PCDHA10: variants seen among roughly 807,000 people sequenced by gnomAD.
PCDHA10 encodes protocadherin alpha 10, also known as protocadherin alpha-10.
A neutral mutation model predicts 61.2 loss-of-function variants in PCDHA10; 45 were observed. That is an observed-to-expected ratio of 0.74 (90% CI 0.58 to 0.94). The LOEUF (loss-of-function observed/expected upper bound fraction) is 0.94, where lower values mean the gene tolerates loss of function less well. Ranked by LOEUF, PCDHA10 falls within the 40% of genes least tolerant of loss-of-function variation. The pLI, the probability that PCDHA10 is intolerant of heterozygous loss-of-function variation, is 0.00. For missense variants in PCDHA10, 1,278 were observed against 1,236.2 expected, an observed-to-expected ratio of 1.03 and a Z score of -0.51; for synonymous variants, 602 against 548.8, an observed-to-expected ratio of 1.10 and a Z score of -1.35.
At chr5:140,875,560 C>T (rs1554167756) in intron 1 of PCDHA10, 2 of 1,614,124 alleles carry the variant, frequency 1.2e-6, no homozygotes, top group Admixed American at 3.3e-5. Flanking sequence ...GGGGAGCGGC[C>T]AGCTCCACTA....
chr5:140,956,774 C>A (rs1232431991), intron 1 of PCDHA10, among the ~76,000 whole-genome samples: 2 of 152,070 alleles, frequency 1.3e-5, no homozygotes, highest in Non-Finnish European at 2.9e-5. Flanking sequence ...TCTGTCTGGT[C>A]CTGGGCTTTG....
chr5:140,875,210 AAAAGAACCTC>A (rs2055354064), intron 1 of PCDHA10: 1 of 696,510 alleles, frequency 1.4e-6, no homozygotes, highest in Non-Finnish European at 2.1e-6. Context: ...GGCTAAACCG[AAAAGAACCTC>A]AGGATCTTTC....
In PCDHA10 at chr5:141,000,416, TATATA is replaced by T. The variant is rs1214257718; in HGVS notation, c.2537-9210_2537-9206del. On this transcript the variant is annotated intron_variant, in intron 3 of 3. Coordinates refer to ENST00000307360, the MANE Select transcript of PCDHA10 (RefSeq NM_018901.4). ...CTCTCTATATATATATATATATATA[TATATA>T]TTTTTTTTTTTTTTTTTTTTTTTGA... 2.1e-3 allele frequency among the ~76,000 whole-genome samples: 195 copies of T among 93,382 alleles called. 1 individual carries two copies. Among genetic ancestry groups the T allele is most frequent in the African/African-American group, 4.2e-3 (94 of 22,362 alleles). 61.3% of individuals were successfully genotyped at this position (93,382 alleles called of 152,430 possible). A position where few individuals can be genotyped will look rare whatever the true frequency, so the allele number is the denominator to read the frequency against.
intron 1 of PCDHA10, among the ~76,000 whole-genome samples, chr5:140,962,298 A>T (rs2095671297): frequency 6.6e-6 from 1 of 152,204 alleles, no homozygotes; most frequent in South Asian, 2.1e-4. Context: ...ATATTCTATG[A>T]TTCTTGTTAG....
intron 1 of PCDHA10, among the ~76,000 whole-genome samples, chr5:140,949,115 T>G (rs2094346093): frequency 6.6e-6 from 1 of 151,756 alleles, no homozygotes; most frequent in African/African-American, 2.4e-5. Context: ...TACAAATATT[T>G]TTGGTTTTCC....
At chr5:140,932,113 T>G (rs2088043197) in intron 1 of PCDHA10, among the ~76,000 whole-genome samples, 1 of 151,918 alleles carries the variant, frequency 6.6e-6, no homozygotes, top group South Asian at 2.1e-4. Flanking sequence ...TATTTCCAAT[T>G]GATAATATTT....
intron 1 of PCDHA10, chr5:140,875,272 A>G: frequency 1.6e-6 from 2 of 1,265,056 alleles, no homozygotes; most frequent in Non-Finnish European, 2.1e-6. Context: ...CTCTACACTC[A>G]GAAGGTGAAA....
At chr5:140,902,854 C>T (rs186872091) in intron 1 of PCDHA10, among the ~76,000 whole-genome samples, 154 of 152,240 alleles carry the variant, frequency 1.0e-3, no homozygotes, top group Middle Eastern at 3.4e-3. Flanking sequence ...AGAAAAATGG[C>T]GTCCAGGTCC....
intron 1 of PCDHA10, among the ~76,000 whole-genome samples, chr5:140,895,900 G>A (rs540029399): frequency 1.3e-3 from 196 of 152,038 alleles, no homozygotes; most frequent in African/African-American, 4.6e-3. Context: ...CAACCTCCGC[G>A]TCCCGGGCTC....
At chr5:140,923,950 C>T (rs544576500) in intron 1 of PCDHA10, among the ~76,000 whole-genome samples, 3 of 152,266 alleles carry the variant, frequency 2.0e-5, no homozygotes, top group Admixed American at 6.5e-5. Flanking sequence ...TTTTTCCTCA[C>T]GCCCTAATCT....
chr5:140,966,410 A>G lies in PCDHA10; in HGVS notation c.2389-12539A>G, dbSNP rs530944149. The G allele has an allele frequency of 1.9e-3, 807 of 419,248 alleles. 2 individuals carry two copies. Among genetic ancestry groups the G allele is most frequent in the South Asian group, 7.3e-3 (70 of 9,536 alleles). The allele number at this position is 419,248 out of a possible 1,614,324, so 26.0% of individuals were successfully genotyped here. The stretch of plus-strand genomic sequence containing the variant: ...GTCCGCCACTTCGGCGCGGAATCAG[A>G]GCAGGACTTGCTGAGCCCTCCTACC... On this transcript the variant is annotated intron_variant, in intron 1 of 3. Coordinates refer to ENST00000307360, the MANE Select transcript of PCDHA10 (RefSeq NM_018901.4).
chr5:140,905,918 T>G (rs536445399), intron 1 of PCDHA10, among the ~76,000 whole-genome samples: 1 of 152,280 alleles, frequency 6.6e-6, no homozygotes, highest in Non-Finnish European at 1.5e-5. Context: ...GAATCCAATC[T>G]GAGTCCCAAA....
intron 2 of PCDHA10, among the ~76,000 whole-genome samples, chr5:140,981,835 T>C (rs991736759): frequency 6.6e-6 from 1 of 152,162 alleles, no homozygotes; most frequent in Non-Finnish European, 1.5e-5. Context: ...TCTAAAGGTC[T>C]CCCAGTTTGT....
chr5:140,978,887 A>T, intron 1 of PCDHA10, 62 bp from the exon 2 acceptor site: 1 of 1,611,648 alleles, frequency 6.2e-7, no homozygotes, highest in Non-Finnish European at 8.5e-7. Context: ...ATCAATTAGC[A>T]GCATTCCTGG....
intron 1 of PCDHA10, among the ~76,000 whole-genome samples, chr5:140,908,762 C>T (rs962553584): frequency 7.9e-5 from 12 of 152,104 alleles, no homozygotes; most frequent in Admixed American, 2.6e-4. Flanking sequence ...ACAGCCTGGA[C>T]GTGTTGTAGA....
chr5:140,858,413 A>G lies in PCDHA10; in HGVS notation c.2365A>G (p.Ile789Val), dbSNP rs150984635. 3.9e-4 allele frequency: 609 copies of G among 1,562,348 alleles called. 39 individuals are homozygous for G. The African/African-American group carries it at 7.5e-3, about 19-fold the overall frequency. The change falls in exon 1 of 4, where the codon ATT becomes GTT. Residue 789 changes from isoleucine (I) to valine (V), a missense_variant. By Grantham distance (29) the Ile-to-Val change is conservative. Transcript: ENST00000307360. ...MVDVDGEDQS[I>V]GGDHSRKPRQ... is the part of the protein sequence containing the mutation. Reference sequence around the variant, plus strand: ...AGATGTGGACGGGGAAGATCAGTCTATTGGAGGGGACCACTCTAGGAAGGT... The same window carrying G: ...AGATGTGGACGGGGAAGATCAGTCTGTTGGAGGGGACCACTCTAGGAAGGT...
rs372058384 is a variant in PCDHA10, at chr5:140,875,718, C to T, written c.2388+17282C>T. ...TTCTGGAGGTAAATCTGCAGAATGGCATTTTGTTTGTGAATTCTCGGATCG... is the reference window on the plus strand; with the variant it reads ...TTCTGGAGGTAAATCTGCAGAATGGTATTTTGTTTGTGAATTCTCGGATCG... On this transcript the variant is annotated intron_variant, in intron 1 of 3. Coordinates refer to ENST00000307360, the MANE Select transcript of PCDHA10 (RefSeq NM_018901.4). 2.4e-5 allele frequency: 38 copies of T among 1,614,182 alleles called. 1 individual carries two copies. The highest frequency in any genetic ancestry group is 2.7e-5 in the Non-Finnish European group (32 of 1,180,048).
rs1409243603 is a variant in PCDHA10 at position 140,858,161 on chromosome 5, G to A, written c.2113G>A (p.Val705Met). The A allele has an allele frequency of 1.3e-6, 2 of 1,597,720 alleles. No homozygotes were observed. The highest frequency in any genetic ancestry group is 2.7e-5 in the African/African-American group (2 of 74,390). Residue 705 changes from valine (V) to methionine (M), a missense_variant, in exon 1 of 4, where the codon GTG becomes ATG. Physicochemically the swap from Val to Met is conservative, Grantham distance 21. Coordinates refer to ENST00000307360, the MANE Select transcript of PCDHA10 (RefSeq NM_018901.4). ...NVYLIIAICA[V>M]SSLLVLTLLL... Reference sequence around the variant, plus strand: ...GTACCTGATCATCGCCATCTGCGCGGTGTCCAGCTTGCTGGTGCTCACGCT... The same window carrying A: ...GTACCTGATCATCGCCATCTGCGCGATGTCCAGCTTGCTGGTGCTCACGCT...
At chr5:140,921,414 T>G (rs2080207969) in intron 1 of PCDHA10, among the ~76,000 whole-genome samples, 1 of 152,206 alleles carries the variant, frequency 6.6e-6, no homozygotes, top group Admixed American at 6.5e-5. Flanking sequence ...TCCTCTGTGC[T>G]GCAGACAAAA....
Sources: gnomAD v4.1 joint callset for allele counts (sites outside exome capture counted in the v4.1 genomes callset) on GRCh38, gnomAD v4.1.1 for gene constraint, MANE v1.5 for transcripts, NCBI Gene and HGNC (gene_info 2026-07-23, HGNC 2026-07-21) for gene names.